OR4K1: variants seen among roughly 807,000 people sequenced by gnomAD.
OR4K1 encodes the protein olfactory receptor family 4 subfamily K member 1, also known as olfactory receptor 4K1.
In OR4K1, 16 loss-of-function variants were observed where a neutral mutation model predicts 14.4. The observed-to-expected ratio is 1.11, with a 90% CI of 0.75 to 1.68. The LOEUF is 1.68. Ranked by LOEUF, OR4K1 falls within the 40% of genes most tolerant of loss-of-function variation. The pLI is 0.00. For synonymous variants in OR4K1, 181 were observed against 133.1 expected, an observed-to-expected ratio of 1.36 and a Z score of -2.48; for missense variants, 548 against 376.9, an observed-to-expected ratio of 1.45 and a Z score of -3.76.
upstream of OR4K1, among the ~76,000 whole-genome samples, chr14:19,927,390 A>G (rs914666829): frequency 6.6e-6 from 1 of 152,250 alleles, no homozygotes; most frequent in Non-Finnish European, 1.5e-5. Context: ...ATAAGTAAAA[A>G]TAAACATGAA....
chr14:19,930,733 AC>A (rs1477895494), upstream of OR4K1, among the ~76,000 whole-genome samples: 14 of 152,240 alleles, frequency 9.2e-5, no homozygotes, highest in African/African-American at 3.1e-4. Flanking sequence ...AAACAAACAA[AC>A]CTTTTTTTCT....
intron 1 of OR4K1, among the ~76,000 whole-genome samples, chr14:19,933,217 G>A (rs1299276674): frequency 1.5e-5 from 2 of 135,246 alleles, no homozygotes. Context: ...TTATTTGCAT[G>A]CTCTGTGTAA....
upstream of OR4K1, among the ~76,000 whole-genome samples, chr14:19,930,658 C>T (rs1417769348): frequency 6.6e-6 from 1 of 152,202 alleles, no homozygotes; most frequent in Non-Finnish European, 1.5e-5. Flanking sequence ...ACTTCCTTTG[C>T]TGACTGATAC....
chr14:19,923,257 C>T, the OR4K1 span, among the ~76,000 whole-genome samples: 4 of 152,180 alleles, frequency 2.6e-5, no homozygotes, highest in East Asian at 3.8e-4. Context: ...TATTCTGTTT[C>T]GTTAATGCAT....
the OR4K1 span, among the ~76,000 whole-genome samples, chr14:19,920,288 CTTG>C: frequency 3.9e-5 from 6 of 152,186 alleles, no homozygotes; most frequent in East Asian, 1.9e-4. Flanking sequence ...CTCCTCTAGT[CTTG>C]TTGTCATGAG....
At chr14:19,920,891 T>G in the OR4K1 span, 3 of 1,614,206 alleles carry the variant, frequency 1.9e-6, no homozygotes, top group Non-Finnish European at 2.5e-6. Context: ...TATCTTTCAG[T>G]GGCTGCATAG....
the OR4K1 span, chr14:19,920,811 G>T: frequency 6.2e-7 from 1 of 1,614,140 alleles, no homozygotes; most frequent in South Asian, 1.1e-5. Context: ...CCTTTCCTTT[G>T]TTGACATTTG....
At chr14:19,927,652 T>C (rs1313002126), upstream of OR4K1, among the ~76,000 whole-genome samples, 1 of 152,230 alleles carries the variant, frequency 6.6e-6, no homozygotes, top group Non-Finnish European at 1.5e-5. Flanking sequence ...AAGGGAGTCA[T>C]GCTGCAACCT....
rs753998296 is a variant in OR4K1 at position 19,935,654 on chromosome 14, G to A, written c.-13G>A. 2 of 1,563,304 alleles carry A rather than the reference G, an allele frequency of 1.3e-6. No homozygotes were observed. Among genetic ancestry groups the A allele is most frequent in the Non-Finnish European group, 8.6e-7 (1 of 1,158,424 alleles). ...TCTGATTTCTTTTTTTTAGGTAACT[G>A]AATATTGGATACATGGCTCACACAA... On this transcript the variant is annotated 5_prime_UTR_variant, in exon 2 of 2. Coordinates refer to ENST00000641172, the MANE Select transcript of OR4K1 (RefSeq NM_001004063.3).
chr14:19,920,552 C>A, the OR4K1 span: 2 of 1,522,474 alleles, frequency 1.3e-6, no homozygotes, highest in Non-Finnish European at 1.8e-6. Context: ...ATTCTGATTC[C>A]TTTCTATTTA....
chr14:19,921,600 T>G, the OR4K1 span: 1 of 1,595,082 alleles, frequency 6.3e-7, no homozygotes, highest in Non-Finnish European at 8.5e-7. Flanking sequence ...TTCAAATTCC[T>G]CAGGTCAATA....
intron 1 of OR4K1, among the ~76,000 whole-genome samples, chr14:19,933,171 G>A (rs1260238162): frequency 6.6e-6 from 1 of 151,640 alleles, no homozygotes; most frequent in Non-Finnish European, 1.5e-5. Flanking sequence ...TAATGAACTG[G>A]TATATATTCT....
At chr14:19,935,511 T>C in intron 1 of OR4K1, 137 bp from the exon 2 acceptor site, 1 of 699,730 alleles carries the variant, frequency 1.4e-6, no homozygotes, top group Non-Finnish European at 2.3e-6. Context: ...CAACTGAGTA[T>C]TTACATACGT....
chr14:19,922,460 A>C, the OR4K1 span, among the ~76,000 whole-genome samples: 155 of 152,278 alleles, frequency 1.0e-3, 1 homozygote, highest in South Asian at 0.015. Flanking sequence ...AGTGCAACCC[A>C]GAGAACCTCT....
At chr14:19,921,708 G>A in the OR4K1 span, 3 of 1,018,346 alleles carry the variant, frequency 2.9e-6, no homozygotes, top group Non-Finnish European at 4.1e-6. Flanking sequence ...ATATTAACAA[G>A]TCTTTTTCTA....
chr14:19,934,443 A>T (rs1566502266), intron 1 of OR4K1, among the ~76,000 whole-genome samples: 2 of 152,290 alleles, frequency 1.3e-5, no homozygotes, highest in East Asian at 3.8e-4. Flanking sequence ...GTATAGAAAG[A>T]TAAAACACAG....
chr14:19,933,342 G>A (rs915832527), intron 1 of OR4K1, among the ~76,000 whole-genome samples: 4 of 152,140 alleles, frequency 2.6e-5, no homozygotes, highest in African/African-American at 7.2e-5. Context: ...GTTCCTCATG[G>A]TGTCAAATTT....
chr14:19,924,546 T>G, the OR4K1 span, among the ~76,000 whole-genome samples: 2 of 152,218 alleles, frequency 1.3e-5, no homozygotes, highest in Non-Finnish European at 2.9e-5. Flanking sequence ...TGATTTGCAT[T>G]AGATGCTGGT....
the OR4K1 span, chr14:19,921,066 G>A: frequency 9.9e-6 from 16 of 1,614,060 alleles, 1 homozygote; most frequent in South Asian, 1.3e-4. Context: ...TGTGAGCTTG[G>A]TGCACACATT....
Sources: allele counts gnomAD v4.1 joint callset (sites outside exome capture counted in the v4.1 genomes callset), GRCh38; gene constraint gnomAD v4.1.1; transcripts MANE v1.5; gene names NCBI Gene and HGNC (gene_info 2026-07-23, HGNC 2026-07-21).